ERGIC2: variants seen among roughly 807,000 people sequenced by gnomAD.
The protein encoded by ERGIC2 is endoplasmic reticulum-Golgi intermediate compartment protein 2.
ERGIC2 carries 31 observed loss-of-function variants against 52.5 expected under a neutral mutation model. The ratio of observed to expected loss-of-function variants is 0.59; its 90% CI spans 0.44 to 0.80. The LOEUF (loss-of-function observed/expected upper bound fraction) is 0.80, where lower values mean the gene tolerates loss of function less well. ERGIC2 is among the 30% of genes least tolerant of loss of function. The pLI is 0.00. For missense variants in ERGIC2, 395 were observed against 455.2 expected (o/e 0.87, Z 1.20); for synonymous variants, 129 against 140.6 (o/e 0.92, Z 0.58).
Position 29,366,948 on chromosome 12 carries a change from C to G in ERGIC2, c.263-1G>C, listed in dbSNP as rs1301558242. 6.3e-7 allele frequency: 1 copy of G among 1,588,620 alleles called. No homozygotes were observed. The highest frequency in any genetic ancestry group is 8.6e-7 in the Non-Finnish European group (1 of 1,165,320). On this transcript the variant is annotated splice_acceptor_variant, in intron 4 of 13. Transcript: ENST00000360150. LOFTEE classifies it high-confidence loss of function. Reference sequence around the variant, plus strand: ...AAATCCAATACATCCGCTCCAACATCTGCATAGAAAAAAGAATTAGAAGTT... The same window carrying G: ...AAATCCAATACATCCGCTCCAACATGTGCATAGAAAAAAGAATTAGAAGTT...
At chr12:29,356,891 T>C (rs1341977655) in intron 7 of ERGIC2, among the ~76,000 whole-genome samples, 4 of 152,122 alleles carry the variant, frequency 2.6e-5, no homozygotes, top group African/African-American at 9.7e-5. Context: ...ACAGTGACAT[T>C]TTCTTCCTAA....
intron 1 of ERGIC2, among the ~76,000 whole-genome samples, chr12:29,376,803 C>T (rs775758364): frequency 7.9e-5 from 12 of 152,142 alleles, no homozygotes; most frequent in Non-Finnish European, 1.6e-4. Flanking sequence ...TCAATGCTTG[C>T]CAGAAGTCAT....
chr12:29,375,616 T>C (rs899088223), intron 1 of ERGIC2, among the ~76,000 whole-genome samples: 1 of 152,228 alleles, frequency 6.6e-6, no homozygotes, highest in Non-Finnish European at 1.5e-5. Flanking sequence ...ATTTGTATAA[T>C]GAGCTTTCTA....
chr12:29,354,529 T>A (rs1400760595), intron 8 of ERGIC2, among the ~76,000 whole-genome samples: 1 of 152,228 alleles, frequency 6.6e-6, no homozygotes, highest in Non-Finnish European at 1.5e-5. Flanking sequence ...TTTATTACTC[T>A]TTTAAATTAC....
chr12:29,376,010 T>C lies in ERGIC2; in HGVS notation c.-37-4340A>G, dbSNP rs548183516. ...CTGCTCTCTTTATAAAACCTGACTT[T>C]CTATTGGCAGCAGTTCCATTCCAAT... On this transcript the variant is annotated intron_variant, in intron 1 of 13. Transcript: ENST00000360150. Among the ~76,000 whole-genome samples the C allele has an allele frequency of 2.2e-4, 33 of 152,330 alleles. 1 individual carries two copies. In the South Asian group the frequency reaches 6.6e-3, roughly 31 times the overall value.
rs962560524 is a variant in ERGIC2 at position 29,340,359 on chromosome 12, T to C, written c.*797A>G. The C allele has an allele frequency of 1.3e-5, 2 of 152,252 alleles. No individual in the cohort carries two copies. The highest frequency in any genetic ancestry group is 4.8e-5 in the African/African-American group (2 of 41,420). 9.4% of individuals were successfully genotyped at this position (152,252 alleles called of 1,614,324 possible). ...CCCTATGTTGCCCAAAATACACCAA[T>C]AATATAATGATTAGATTAAAAAACT... On this transcript the variant is annotated 3_prime_UTR_variant, in exon 14 of 14. Coordinates refer to ENST00000360150, the MANE Select transcript of ERGIC2 (RefSeq NM_016570.3).
Position 29,340,639 on chromosome 12 carries a change from T to C in ERGIC2, c.*517A>G, listed in dbSNP as rs1949830731. 2.3e-5 allele frequency: 6 copies of C among 264,802 alleles called. No individual in the cohort carries two copies. The highest frequency in any genetic ancestry group is 2.1e-4 in the Admixed American group (4 of 18,920). 16.4% of individuals were successfully genotyped at this position (264,802 alleles called of 1,614,324 possible). A position where few individuals can be genotyped will look rare whatever the true frequency, so the allele number is the denominator to read the frequency against. On this transcript the variant is annotated 3_prime_UTR_variant, in exon 14 of 14. Coordinates refer to ENST00000360150, the MANE Select transcript of ERGIC2 (RefSeq NM_016570.3). ...GCTTAACATTAATATGGCTATAACA[T>C]AGGGACTAGCCCGTTTTTTTTTTTT... is the stretch of plus-strand genomic sequence containing the variant.
chr12:29,358,114 C>A (rs907931078), intron 6 of ERGIC2, among the ~76,000 whole-genome samples: 1 of 152,080 alleles, frequency 6.6e-6, no homozygotes, highest in Non-Finnish European at 1.5e-5. Context: ...AAATAAGGGG[C>A]TACACAATGG....
At chr12:29,367,396 C>A (rs941912878) in intron 4 of ERGIC2, among the ~76,000 whole-genome samples, 2 of 151,488 alleles carry the variant, frequency 1.3e-5, no homozygotes, top group African/African-American at 4.8e-5. Context: ...AAATTTTATT[C>A]GGAAAAGGCT....
rs1591999040 is a variant in ERGIC2, at chr12:29,370,161, T to G, written c.168A>C (p.Gln56His). Residue 56 changes from glutamine to histidine, a missense_variant, in exon 3 of 14, where the codon CAA becomes CAC. Gln to His is a conservative substitution (Grantham distance 24). Coordinates refer to ENST00000360150, the MANE Select transcript of ERGIC2 (RefSeq NM_016570.3). ...CGTATTCATACTTCATCCATGTATC[T>G]TGATATACTGAGAATTCCATTATGG... ...LLTIMEFSVY[Q>H]DTWMKYEYEV... 1.9e-6 allele frequency: 3 copies of G among 1,549,842 alleles called. No individual in the cohort carries two copies. The highest frequency in any genetic ancestry group is 4.4e-5 in the Admixed American group (2 of 44,964).
intron 3 of ERGIC2, 43 bp downstream of exon 3, chr12:29,370,071 A>C (rs781272572): frequency 1.4e-6 from 2 of 1,452,072 alleles, no homozygotes; most frequent in East Asian, 2.7e-5. Flanking sequence ...TTTTTAAAAC[A>C]ATTTGAATCT....
intron 7 of ERGIC2, among the ~76,000 whole-genome samples, chr12:29,357,328 T>C (rs1853598789): frequency 6.6e-6 from 1 of 152,148 alleles, no homozygotes; most frequent in Non-Finnish European, 1.5e-5. Flanking sequence ...AACCAAAGCT[T>C]ATATATCCTC....
At chr12:29,352,298 G>T (rs181316126) in intron 8 of ERGIC2, among the ~76,000 whole-genome samples, 8 of 152,048 alleles carry the variant, frequency 5.3e-5, no homozygotes, top group Admixed American at 5.2e-4. Context: ...TTTTGGACAC[G>T]AATTTAAATT....
At chr12:29,363,074 T>A (rs1940308495) in intron 5 of ERGIC2, among the ~76,000 whole-genome samples, 1 of 152,192 alleles carries the variant, frequency 6.6e-6, no homozygotes. Flanking sequence ...AACCACCTCG[T>A]GAATTTTTTA....
intron 5 of ERGIC2, among the ~76,000 whole-genome samples, chr12:29,362,256 T>C (rs952171644): frequency 1.8e-4 from 27 of 152,160 alleles, no homozygotes; most frequent in African/African-American, 6.0e-4. Flanking sequence ...ATAGTAGCTA[T>C]ATCCACAATT....
intron 1 of ERGIC2, among the ~76,000 whole-genome samples, chr12:29,375,589 G>T (rs1395317164): frequency 1.3e-5 from 2 of 152,128 alleles, no homozygotes; most frequent in Admixed American, 6.5e-5. Context: ...ATTTCTAAAA[G>T]TTTATATAAA....
chr12:29,356,304 C>T (rs910848058), intron 8 of ERGIC2, 78 bp downstream of exon 8: 23 of 848,722 alleles, frequency 2.7e-5, no homozygotes, highest in African/African-American at 1.2e-4. Context: ...ATTACAGGCG[C>T]GAGCCATCGG....
At chr12:29,379,058 T>TAAAA (rs1940551787) in intron 1 of ERGIC2, among the ~76,000 whole-genome samples, 1 of 152,166 alleles carries the variant, frequency 6.6e-6, no homozygotes, top group Non-Finnish European at 1.5e-5. Context: ...TAGGATGGCA[T>TAAAA]AAACTGATAA....
At chr12:29,360,258 G>A (rs917329990) in intron 6 of ERGIC2, among the ~76,000 whole-genome samples, 6 of 151,708 alleles carry the variant, frequency 4.0e-5, no homozygotes, top group Admixed American at 1.3e-4. Context: ...AACATGTACA[G>A]AATTAGGTTC....
Sources: allele counts gnomAD v4.1 joint callset (sites outside exome capture counted in the v4.1 genomes callset), GRCh38; gene constraint gnomAD v4.1.1; transcripts MANE v1.5; gene names NCBI Gene and HGNC (gene_info 2026-07-23, HGNC 2026-07-21).